The following CMBL variants were observed in gnomAD, a reference collection of about 807,000 sequenced individuals.
CMBL encodes carboxymethylenebutenolidase homolog (Pseudomonas).
CMBL carries 17 observed loss-of-function variants against 28.7 expected under a neutral mutation model. That is an observed-to-expected ratio of 0.59 (90% CI 0.41 to 0.89). CMBL has a LOEUF of 0.89. Among genes scored for constraint, CMBL ranks in the 40% least tolerant of loss-of-function variants. The pLI, the probability that CMBL is intolerant of heterozygous loss-of-function variation, is 0.00. For synonymous variants in CMBL, 106 were observed against 101.6 expected (o/e 1.04, Z -0.26); for missense variants, 310 against 298.5 (o/e 1.04, Z -0.28).
rs752755112 is a variant in CMBL, at chr5:10,280,282, T to A, written c.*171A>T. ...ATGATTCGATGTACATGTCAAAAAT[T>A]AAATTATTTCATGCATTACGTCCTA... On this transcript the variant is annotated 3_prime_UTR_variant, in exon 6 of 6. Coordinates refer to ENST00000296658, the MANE Select transcript of CMBL (RefSeq NM_138809.4). 1.3e-4 allele frequency: 68 copies of A among 516,806 alleles called. No homozygotes were observed. Among genetic ancestry groups the A allele is most frequent in the Non-Finnish European group, 2.1e-4 (63 of 298,594 alleles). The allele number at this position is 516,806 out of a possible 1,614,324, so 32.0% of individuals were successfully genotyped here.
rs1205007663 is a variant in CMBL at position 10,286,495 on chromosome 5, C to T, written c.325G>A (p.Glu109Lys). The T allele has an allele frequency of 6.2e-7, 1 of 1,611,786 alleles. No individual in the cohort carries two copies. Among genetic ancestry groups the T allele is most frequent in the Admixed American group, 1.7e-5 (1 of 59,616 alleles). ...KTRNAQKIDR[E>K]ISAILKYLKQ... ...AGATACTTCAAGATAGCACTGATCT[C>T]TCTAGAACAGAAAGAAAAAATATTC... Residue 109 changes from glutamate to lysine, a missense_variant and splice_region_variant, in exon 4 of 6, where the codon GAG becomes AAG. Coordinates refer to ENST00000296658, the MANE Select transcript of CMBL (RefSeq NM_138809.4).
intron 1 of CMBL, among the ~76,000 whole-genome samples, chr5:10,304,772 T>C (rs77019092): frequency 6.7e-6 from 1 of 148,962 alleles, no homozygotes; most frequent in African/African-American, 2.5e-5. Context: ...AGACAACATG[T>C]TTTTTTTTTA....
rs1324242618 is a variant in CMBL at position 10,282,207 on chromosome 5, G to A, written c.548C>T (p.Pro183Leu). 4 of 1,605,156 alleles carry A rather than the reference G, an allele frequency of 2.5e-6. No homozygotes were observed. The highest frequency in any genetic ancestry group is 3.4e-6 in the Non-Finnish European group (4 of 1,171,940). ...AAGATGCCAACTTACGTCCTTGAGT[G>A]GAATCACAACATCATTTTCAGCAAA... ...FIFAENDVVI[P>L]LKDVSLLTQK... is the part of the protein sequence containing the mutation. Residue 183 changes from proline to leucine, a missense_variant, in exon 5 of 6, where the codon CCA becomes CTA. Transcript: ENST00000296658.
rs112613732 is a variant in CMBL at position 10,297,387 on chromosome 5, T to A, written c.-19-6606A>T. Among the ~76,000 whole-genome samples, 700 of 151,850 alleles carry A rather than the reference T, an allele frequency of 4.6e-3. 5 individuals carry two copies. Among genetic ancestry groups the A allele is most frequent in the African/African-American group, 0.016 (670 of 41,372 alleles). ...GAGTTCGACACCAGCCTGACCAACA[T>A]GGGGAAACCCCGTCTCTACTAAAAA... On this transcript the variant is annotated intron_variant, in intron 1 of 5. Coordinates refer to ENST00000296658, the MANE Select transcript of CMBL (RefSeq NM_138809.4).
chr5:10,300,858 ATATT>A (rs979206350), intron 1 of CMBL, among the ~76,000 whole-genome samples: 13 of 146,800 alleles, frequency 8.9e-5, no homozygotes, highest in South Asian at 2.1e-4. Flanking sequence ...TATTTTTTAT[ATATT>A]TATTTTTATT....
chr5:10,290,474 A>AT, intron 2 of CMBL, 74 bp downstream of exon 2: 1 of 1,348,782 alleles, frequency 7.4e-7, no homozygotes, highest in Non-Finnish European at 1.1e-6. Context: ...CTGTGGTTTT[A>AT]TTTTTTAAAG....
intron 4 of CMBL, among the ~76,000 whole-genome samples, chr5:10,282,916 C>T (rs1366522436): frequency 6.6e-6 from 1 of 151,868 alleles, no homozygotes; most frequent in East Asian, 1.9e-4. Context: ...ATGGTGAAAC[C>T]CTGTCTCTAC....
chr5:10,303,382 C>G (rs1411480480), intron 1 of CMBL, among the ~76,000 whole-genome samples: 1 of 152,240 alleles, frequency 6.6e-6, no homozygotes, highest in Non-Finnish European at 1.5e-5. Context: ...GAATAAACCT[C>G]TTCAAACATT....
At chr5:10,306,748 T>C (rs543861285) in intron 1 of CMBL, among the ~76,000 whole-genome samples, 2 of 152,332 alleles carry the variant, frequency 1.3e-5, no homozygotes, top group South Asian at 4.1e-4. Flanking sequence ...GCCATGCTTG[T>C]ATTTTCCAAG....
chr5:10,304,995 G>A (rs1579479375), intron 1 of CMBL, among the ~76,000 whole-genome samples: 1 of 152,214 alleles, frequency 6.6e-6, no homozygotes, highest in East Asian at 1.9e-4. Flanking sequence ...TTGTGAGTAA[G>A]AAGGTTTCCT....
chr5:10,299,348 A>G (rs1024439532), intron 1 of CMBL, among the ~76,000 whole-genome samples: 1 of 152,246 alleles, frequency 6.6e-6, no homozygotes, highest in African/African-American at 2.4e-5. Flanking sequence ...GGAAACTATA[A>G]TAAAAACAAG....
intron 1 of CMBL, among the ~76,000 whole-genome samples, chr5:10,299,616 G>A: frequency 6.6e-6 from 1 of 151,556 alleles, no homozygotes; most frequent in South Asian, 2.1e-4. Flanking sequence ...AGGCCGGGGG[G>A]ATCATTTGAG....
chr5:10,282,818 G>A (rs1032156765), intron 4 of CMBL, among the ~76,000 whole-genome samples: 4 of 151,856 alleles, frequency 2.6e-5, no homozygotes, highest in Non-Finnish European at 4.4e-5. Context: ...AAGCCTGGGC[G>A]CAGTGACTCA....
At position 10,278,977 on chromosome 5, in the gene CMBL, G is replaced by A. The variant is rs1484834581; in HGVS notation, c.*1476C>T. Among the ~76,000 whole-genome samples the A allele has an allele frequency of 6.6e-6, 1 of 152,122 alleles. No homozygotes were observed. The highest frequency in any genetic ancestry group is 2.4e-5 in the African/African-American group (1 of 41,402). ...TCCCCAGGATCCCCGTCAGGGCAGG[G>A]CTAGAGTTTACAGCCACTCTCTCCT... On this transcript the variant is annotated 3_prime_UTR_variant, in exon 6 of 6. Transcript: ENST00000296658.
chr5:10,285,457 A>G (rs1328603010), intron 4 of CMBL, among the ~76,000 whole-genome samples: 1 of 151,954 alleles, frequency 6.6e-6, no homozygotes, highest in Non-Finnish European at 1.5e-5. Context: ...GTGAGCCACC[A>G]CGCCCAGCCT....
In CMBL at chr5:10,288,407, C is replaced by T. The variant is rs371528623; in HGVS notation, c.323+15G>A. On this transcript the variant is annotated intron_variant, in intron 3 of 5. Coordinates refer to ENST00000296658, the MANE Select transcript of CMBL (RefSeq NM_138809.4). ...GGCCACAACGTGCACATGGCCACGT[C>T]TGCGGATAACTCACCTATCGATCTT... 1.9e-6 allele frequency: 3 copies of T among 1,598,952 alleles called. No individual in the cohort carries two copies. The highest frequency in any genetic ancestry group is 4.5e-5 in the East Asian group (2 of 44,784).
intron 1 of CMBL, among the ~76,000 whole-genome samples, chr5:10,298,690 C>T (rs1329852495): frequency 1.3e-5 from 2 of 152,146 alleles, no homozygotes; most frequent in African/African-American, 2.4e-5. Flanking sequence ...GTCAGGAGTT[C>T]GAGAGCAGCC....
intron 2 of CMBL, 44 bp from the exon 3 acceptor site, chr5:10,288,573 T>C (rs1191736477): frequency 7.3e-7 from 1 of 1,375,198 alleles, no homozygotes; most frequent in Admixed American, 1.7e-5. Context: ...CAGAGTTGCT[T>C]GACTCAGTAT....
At chr5:10,287,719 T>TTC (rs1327256669) in intron 3 of CMBL, among the ~76,000 whole-genome samples, 4 of 143,112 alleles carry the variant, frequency 2.8e-5, no homozygotes, top group African/African-American at 1.1e-4. Context: ...AATTAATTTC[T>TTC]TTTTTTTTTG....
Sources: gnomAD v4.1 joint callset for allele counts (sites outside exome capture counted in the v4.1 genomes callset) on GRCh38, gnomAD v4.1.1 for gene constraint, MANE v1.5 for transcripts, NCBI Gene and HGNC (gene_info 2026-07-23, HGNC 2026-07-21) for gene names.